Variants in NCAPG2 observed in about 807,000 individuals in gnomAD.
NCAPG2 encodes the protein condensin-2 complex subunit G2.
Under a neutral mutation model 141.1 loss-of-function variants are expected in NCAPG2, and 53 were observed. The observed-to-expected ratio is 0.38, with a 90% CI of 0.30 to 0.47. The LOEUF is 0.47. Among genes scored for constraint, NCAPG2 ranks in the 20% least tolerant of loss-of-function variants. NCAPG2 has a pLI of 0.99. For synonymous variants in NCAPG2, 499 were observed against 490.7 expected, an observed-to-expected ratio of 1.02 and a Z score of -0.22; for missense variants, 1,087 against 1,389.0, an observed-to-expected ratio of 0.78 and a Z score of 3.46.
rs1311053235 is a variant in NCAPG2 at position 158,667,350 on chromosome 7, T to A, written c.1480-2600A>T. On this transcript the variant is annotated intron_variant, in intron 13 of 27. Coordinates refer to ENST00000356309, the MANE Select transcript of NCAPG2 (RefSeq NM_017760.7). ...CTCCGCTACTGTGTCCCTCCGCTCC[T>A]TAGCCACTACCGGATCCCTCCGCCC... 2.9e-5 allele frequency: 4 copies of A among 136,544 alleles called. 2 individuals are homozygous for A. In the African/African-American group the frequency reaches 8.1e-4, roughly 28 times the overall value. The allele number at this position is 136,544 out of a possible 1,614,324, so 8.5% of individuals were successfully genotyped here.
intron 2 of NCAPG2, among the ~76,000 whole-genome samples, chr7:158,699,820 A>G (rs1835674892): frequency 6.6e-6 from 1 of 152,232 alleles, no homozygotes; most frequent in Non-Finnish European, 1.5e-5. Flanking sequence ...CTGATTTAAC[A>G]TATAAAATTA....
At chr7:158,645,037 T>C (rs1410402480) in intron 26 of NCAPG2, among the ~76,000 whole-genome samples, 2 of 152,258 alleles carry the variant, frequency 1.3e-5, no homozygotes, top group Admixed American at 6.5e-5. Context: ...AAGCATCTTA[T>C]ACATATCTCC....
At position 158,658,411 on chromosome 7, in the gene NCAPG2, A is replaced by G. The variant is rs771064775; in HGVS notation, c.1990-3T>C. On this transcript the variant is annotated splice_region_variant and splice_polypyrimidine_tract_variant and intron_variant, in intron 16 of 27. Transcript: ENST00000356309. ...AAAGGGATCTTGCAGCGATCATCCT[A>G]AAAGCGAAAAAAGAAAAACAAAACA... 3.7e-6 allele frequency: 6 copies of G among 1,603,816 alleles called. No individual in the cohort carries two copies. Among genetic ancestry groups the G allele is most frequent in the African/African-American group, 1.3e-5 (1 of 74,648 alleles).
chr7:158,638,930 A>T (rs944329038), intron 27 of NCAPG2, among the ~76,000 whole-genome samples: 2 of 152,200 alleles, frequency 1.3e-5, no homozygotes, highest in African/African-American at 4.8e-5. Context: ...GACAAAAAAG[A>T]AATGGTGTTA....
rs371856529 is a variant in NCAPG2 at position 158,649,747 on chromosome 7, T to C, written c.3075+1085A>G. On this transcript the variant is annotated intron_variant, in intron 24 of 27. Coordinates refer to ENST00000356309, the MANE Select transcript of NCAPG2 (RefSeq NM_017760.7). ...GATTCACGTAAATATTAAAAATGCA[T>C]ATAATTCAATGACCTTCCCTGTCAG... Among the ~76,000 whole-genome samples the C allele has an allele frequency of 4.6e-5, 7 of 152,368 alleles. No individual in the cohort carries two copies. The South Asian group carries it at 1.4e-3, about 32-fold the overall frequency.
intron 22 of NCAPG2, among the ~76,000 whole-genome samples, chr7:158,653,354 G>C (rs1831627388): frequency 8.1e-6 from 1 of 123,382 alleles, no homozygotes; most frequent in South Asian, 2.5e-4. Flanking sequence ...AACAGAGAAA[G>C]ACTTGGTCTC....
intron 13 of NCAPG2, chr7:158,667,310 G>A (rs4295606): frequency 6.4e-6 from 1 of 157,000 alleles, no homozygotes; most frequent in Non-Finnish European, 7.4e-6. Flanking sequence ...TCCACCCTTA[G>A]CCGCTACTGT....
chr7:158,690,412 G>A (rs1835043919), intron 5 of NCAPG2, among the ~76,000 whole-genome samples, 156 bp downstream of exon 5: 1 of 152,198 alleles, frequency 6.6e-6, no homozygotes, highest in Non-Finnish European at 1.5e-5. Flanking sequence ...TAGCTAGGTG[G>A]TGCACTCCTG....
intron 24 of NCAPG2, among the ~76,000 whole-genome samples, chr7:158,650,144 C>G (rs1831375449): frequency 1.3e-5 from 2 of 152,202 alleles, no homozygotes; most frequent in Non-Finnish European, 2.9e-5. Context: ...ACCTCCGCCT[C>G]CCGGGTTCAA....
chr7:158,654,997 C>T (rs935055481), intron 21 of NCAPG2, 121 bp downstream of exon 21: 52 of 1,228,820 alleles, frequency 4.2e-5, no homozygotes, highest in South Asian at 2.1e-4. Flanking sequence ...AGATAAATGT[C>T]CCTGTAAGTT....
intron 11 of NCAPG2, among the ~76,000 whole-genome samples, chr7:158,678,581 T>C (rs1293971814): frequency 6.6e-6 from 1 of 152,148 alleles, no homozygotes; most frequent in Non-Finnish European, 1.5e-5. Context: ...CATGGTTCAC[T>C]GTAGCCTTGA....
intron 26 of NCAPG2, among the ~76,000 whole-genome samples, chr7:158,644,994 C>A (rs1830903781): frequency 6.6e-6 from 1 of 152,156 alleles, no homozygotes; most frequent in Non-Finnish European, 1.5e-5. Flanking sequence ...GGCAGTCACC[C>A]TGCAGGGATG....
Position 158,679,927 on chromosome 7 carries a change from T to C in NCAPG2, c.1146+33A>G, listed in dbSNP as rs1217355887. 8 of 1,609,864 alleles carry C rather than the reference T, an allele frequency of 5.0e-6. No individual in the cohort carries two copies. In the Admixed American group the frequency reaches 5.0e-5, roughly 10 times the overall value. ...TGCCACAGCCTGGACAAAGCTGATA[T>C]CTGTAAGAAGCTTGACCACCTGAAG... is the stretch of plus-strand genomic sequence containing the variant. On this transcript the variant is annotated intron_variant, in intron 11 of 27. Transcript: ENST00000356309.
Position 158,662,141 on chromosome 7 carries a change from T to C in NCAPG2, c.1989+53A>G, listed in dbSNP as rs141813684. On this transcript the variant is annotated intron_variant, in intron 16 of 27. Coordinates refer to ENST00000356309, the MANE Select transcript of NCAPG2 (RefSeq NM_017760.7). ...ATGTTTGAGAACTTTTGTTAAATTC[T>C]AAACAAACGTAACCTTAATATACCT... 3.1e-5 allele frequency: 46 copies of C among 1,495,046 alleles called. 1 individual carries two copies. In the African/African-American group the frequency reaches 5.3e-4, roughly 17 times the overall value. 92.6% of individuals were successfully genotyped at this position (1,495,046 alleles called of 1,614,324 possible).
intron 22 of NCAPG2, among the ~76,000 whole-genome samples, chr7:158,652,779 G>A (rs571115402): frequency 2.0e-5 from 3 of 152,326 alleles, no homozygotes; most frequent in Admixed American, 2.0e-4. Flanking sequence ...ACATACAGAA[G>A]TTCAGCAGTG....
At chr7:158,664,349 T>G in intron 14 of NCAPG2, 53 bp from the exon 15 acceptor site, 1 of 1,548,868 alleles carries the variant, frequency 6.5e-7, no homozygotes, top group South Asian at 1.1e-5. Context: ...TCTACAAAAT[T>G]AACTATCTGA....
intron 2 of NCAPG2, among the ~76,000 whole-genome samples, chr7:158,694,119 C>T (rs1389964440): frequency 6.6e-6 from 1 of 152,068 alleles, no homozygotes; most frequent in African/African-American, 2.4e-5. Context: ...TAAGCATAAA[C>T]GAGGCCAAGC....
chr7:158,660,097 G>GAA (rs1253820297), intron 16 of NCAPG2, among the ~76,000 whole-genome samples: 5 of 118,470 alleles, frequency 4.2e-5, no homozygotes, highest in Admixed American at 8.8e-5. Flanking sequence ...GACAGAGCGA[G>GAA]AAAAAAAAAA....
Position 158,684,013 on chromosome 7 carries a change from CAT to C in NCAPG2, c.838-629_838-628del, listed in dbSNP as rs912957524. On this transcript the variant is annotated intron_variant, in intron 8 of 27. Transcript: ENST00000356309. ...CCTGTACTCTGTGCCCACCCTCACA[CAT>C]GAGCAGGATTTCTGTGGCTTTGAGG... 4.1e-4 allele frequency among the ~76,000 whole-genome samples: 62 copies of C among 152,326 alleles called. 2 individuals carry two copies. Among genetic ancestry groups the C allele is most frequent in the Middle Eastern group, 3.4e-3 (1 of 294 alleles).
Sources: allele counts gnomAD v4.1 joint callset (sites outside exome capture counted in the v4.1 genomes callset), GRCh38; gene constraint gnomAD v4.1.1; transcripts MANE v1.5; gene names NCBI Gene and HGNC (gene_info 2026-07-23, HGNC 2026-07-21).